Variants in MIPOL1 observed in about 807,000 individuals in gnomAD.
The protein encoded by MIPOL1 is mirror-image polydactyly gene 1 protein.
MIPOL1 carries 57 observed loss-of-function variants against 60.9 expected under a neutral mutation model. That is an observed-to-expected ratio of 0.94 (90% CI 0.76 to 1.17). The LOEUF is 1.17. Among genes scored for constraint, MIPOL1 ranks in the 50% most tolerant of loss-of-function variants. The probability of loss-of-function intolerance (pLI) is 0.00; values close to 1 mark genes in which losing one functional copy is unlikely to be tolerated. For synonymous variants in MIPOL1, 179 were observed against 168.8 expected (o/e 1.06, Z -0.47); for missense variants, 551 against 511.6 (o/e 1.08, Z -0.74).
chr14:37,276,646 T>C (rs1045198218), intron 6 of MIPOL1: 7 of 151,244 alleles, frequency 4.6e-5, no homozygotes, highest in Admixed American at 4.6e-4. Flanking sequence ...ATAACTTTTA[T>C]CTTTAAGAAA....
chr14:37,259,585 C>A (rs1217465739), intron 3 of MIPOL1, among the ~76,000 whole-genome samples: 1 of 151,596 alleles, frequency 6.6e-6, no homozygotes, highest in Non-Finnish European at 1.5e-5. Context: ...ACAAAAAAAA[C>A]ATAAGAAATC....
chr14:37,271,601 TA>T (rs2083306750), intron 6 of MIPOL1, among the ~76,000 whole-genome samples: 1 of 151,900 alleles, frequency 6.6e-6, no homozygotes, highest in Non-Finnish European at 1.5e-5. Flanking sequence ...GTAATGTTTT[TA>T]TTTTTGTGTG....
rs915426105 is a variant in MIPOL1, at chr14:37,449,245, TA to T, written c.1031+26305del. Among the ~76,000 whole-genome samples the T allele has an allele frequency of 2.7e-3, 400 of 150,528 alleles. 1 individual carries two copies. Among genetic ancestry groups the T allele is most frequent in the African/African-American group, 8.6e-3 (353 of 41,188 alleles). ...TAAGTTCTGCAGTTGATATTACCATTAAAAAAAAATGGAAGAAATCTTTGGC... is the reference window on the plus strand; with the variant it reads ...TAAGTTCTGCAGTTGATATTACCATTAAAAAAAATGGAAGAAATCTTTGGC... On this transcript the variant is annotated intron_variant, in intron 11 of 12. Coordinates refer to ENST00000684589, the MANE Select transcript of MIPOL1 (RefSeq NM_001388067.1).
intron 11 of MIPOL1, among the ~76,000 whole-genome samples, chr14:37,466,055 A>C (rs923315586): frequency 1.3e-5 from 2 of 152,210 alleles, no homozygotes; most frequent in African/African-American, 4.8e-5. Flanking sequence ...AACCTGTACT[A>C]TGTTGAATAA....
chr14:37,382,089 G>A (rs1252975875), intron 10 of MIPOL1, among the ~76,000 whole-genome samples: 2 of 151,964 alleles, frequency 1.3e-5, no homozygotes, highest in Admixed American at 6.6e-5. Flanking sequence ...ATTTTAGGGG[G>A]AAGAATTGGT....
chr14:37,266,862 A>G (rs1300588797), intron 3 of MIPOL1, 76 bp from the exon 4 acceptor site: 2 of 1,004,312 alleles, frequency 2.0e-6, no homozygotes, highest in Non-Finnish European at 3.0e-6. Context: ...TTCCAAAAAT[A>G]TTTATTTGAC....
chr14:37,424,374 G>T (rs2093925587), intron 11 of MIPOL1, among the ~76,000 whole-genome samples: 1 of 152,124 alleles, frequency 6.6e-6, no homozygotes, highest in Non-Finnish European at 1.5e-5. Flanking sequence ...GACATGCACA[G>T]AGGGAAGACA....
At chr14:37,324,444 A>G (rs889517676) in intron 9 of MIPOL1, among the ~76,000 whole-genome samples, 8 of 151,912 alleles carry the variant, frequency 5.3e-5, no homozygotes, top group Non-Finnish European at 1.0e-4. Flanking sequence ...GTGGTTCTGG[A>G]TGTGGTTCTG....
chr14:37,459,150 A>G lies in MIPOL1; in HGVS notation c.1031+36201A>G, dbSNP rs1426443365. Among the ~76,000 whole-genome samples the G allele has an allele frequency of 3.3e-5, 5 of 152,138 alleles. 1 individual carries two copies. The South Asian group carries it at 8.3e-4, about 25-fold the overall frequency. ...AAACTAAATCCAAAGCTAGCAGAAG[A>G]AAAGAAATAACAAAGCTCAGAGCAG... On this transcript the variant is annotated intron_variant, in intron 11 of 12. Transcript: ENST00000684589.
At position 37,255,685 on chromosome 14, in the gene MIPOL1, G is replaced by T. The variant is rs183233190; in HGVS notation, c.19+7778G>T. 2.6e-4 allele frequency among the ~76,000 whole-genome samples: 40 copies of T among 151,772 alleles called. 1 individual carries two copies. The highest frequency in any genetic ancestry group is 2.6e-3 in the Admixed American group (39 of 15,218). On this transcript the variant is annotated intron_variant, in intron 3 of 12. Transcript: ENST00000684589. ...AAAAAACAAATTTAGAGCAAGTCAG[G>T]CTTCAAAATTTTGAAATTAAGTAGA...
chr14:37,425,695 A>G (rs748360411), intron 11 of MIPOL1, among the ~76,000 whole-genome samples: 18 of 152,220 alleles, frequency 1.2e-4, no homozygotes, highest in Admixed American at 2.0e-4. Context: ...ATGTTAAGAT[A>G]TATTTCTTTT....
At chr14:37,468,233 G>T (rs78598771) in intron 11 of MIPOL1, among the ~76,000 whole-genome samples, 1 of 151,676 alleles carries the variant, frequency 6.6e-6, no homozygotes. Context: ...AATAAATGCC[G>T]CTTTCAGGAA....
chr14:37,289,339 C>T, intron 7 of MIPOL1, among the ~76,000 whole-genome samples: 1 of 152,176 alleles, frequency 6.6e-6, no homozygotes, highest in Non-Finnish European at 1.5e-5. Context: ...ACACTATCTA[C>T]CTGGAAAAAG....
chr14:37,403,780 C>G (rs2093536292), intron 10 of MIPOL1, among the ~76,000 whole-genome samples: 1 of 152,094 alleles, frequency 6.6e-6, no homozygotes. Flanking sequence ...AAGCAGTAGG[C>G]TTTTCTATTT....
chr14:37,539,478 G>T (rs1418365857), intron 12 of MIPOL1, among the ~76,000 whole-genome samples: 1 of 151,402 alleles, frequency 6.6e-6, no homozygotes, highest in Non-Finnish European at 1.5e-5. Flanking sequence ...GATTGAGAGA[G>T]ATATAAGTTC....
At chr14:37,251,278 G>C (rs1281064176) in intron 3 of MIPOL1, among the ~76,000 whole-genome samples, 3 of 151,860 alleles carry the variant, frequency 2.0e-5, no homozygotes, top group Admixed American at 6.6e-5. Context: ...ATGTTGTCCA[G>C]GCTGTTCCCA....
At chr14:37,204,536 T>TTTTA (rs1965786110) in intron 1 of MIPOL1, among the ~76,000 whole-genome samples, 1 of 152,074 alleles carries the variant, frequency 6.6e-6, no homozygotes, top group African/African-American at 2.4e-5. Context: ...GATGTGATGG[T>TTTTA]TTTATAAGGG....
chr14:37,268,865 C>T (rs571138838), intron 5 of MIPOL1, 72 bp downstream of exon 5: 215 of 1,224,030 alleles, frequency 1.8e-4, no homozygotes, highest in South Asian at 1.3e-3. Flanking sequence ...CCTTTGTTGC[C>T]CATCATAATT....
intron 11 of MIPOL1, among the ~76,000 whole-genome samples, chr14:37,491,762 A>G (rs956553926): frequency 1.3e-5 from 2 of 152,200 alleles, no homozygotes; most frequent in African/African-American, 4.8e-5. Context: ...TATAATAAAG[A>G]AATTATTTTT....
Sources: gnomAD v4.1 joint callset for allele counts (sites outside exome capture counted in the v4.1 genomes callset) on GRCh38, gnomAD v4.1.1 for gene constraint, MANE v1.5 for transcripts, NCBI Gene and HGNC (gene_info 2026-07-23, HGNC 2026-07-21) for gene names.